The following LRP1B variants were observed in gnomAD, a reference collection of about 807,000 sequenced individuals.
LRP1B encodes low-density lipoprotein receptor-related protein 1B.
Under a neutral mutation model 556.6 loss-of-function variants are expected in LRP1B, and 217 were observed. That is an observed-to-expected ratio of 0.39 (90% CI 0.35 to 0.44). The LOEUF is 0.44. Among genes scored for constraint, LRP1B ranks in the 20% least tolerant of loss-of-function variants. LRP1B has a pLI of 1.00. For synonymous variants in LRP1B, 2,047 were observed against 1,865.8 expected, an observed-to-expected ratio of 1.10 and a Z score of -2.50; for missense variants, 5,053 against 5,620.8, an observed-to-expected ratio of 0.90 and a Z score of 3.23.
intron 5 of LRP1B, among the ~76,000 whole-genome samples, chr2:141,230,108 G>A (rs1041626636): frequency 6.6e-6 from 1 of 152,144 alleles, no homozygotes; most frequent in Non-Finnish European, 1.5e-5. Context: ...AGTTTTTGAT[G>A]AACATATACA....
chr2:140,621,638 TACTC>T (rs370508440), intron 41 of LRP1B, among the ~76,000 whole-genome samples: 198 of 152,240 alleles, frequency 1.3e-3, no homozygotes, highest in East Asian at 6.2e-3. Flanking sequence ...AATATACAAA[TACTC>T]ACATTATTCA....
intron 2 of LRP1B, among the ~76,000 whole-genome samples, chr2:141,795,551 T>C (rs1695775391): frequency 6.6e-6 from 1 of 151,910 alleles, no homozygotes; most frequent in Admixed American, 6.6e-5. Context: ...GTTATTATTT[T>C]GATAAATAAT....
chr2:141,619,335 T>A lies in LRP1B; in HGVS notation c.206-138802A>T, dbSNP rs746043152. 1.0e-3 allele frequency among the ~76,000 whole-genome samples: 155 copies of A among 152,322 alleles called. 1 individual carries two copies. The Middle Eastern group carries it at 0.017, about 17-fold the overall frequency. On this transcript the variant is annotated intron_variant, in intron 2 of 90. Transcript: ENST00000389484. ...CTTTAACAACAGGAGGAGCTAATAC[T>A]TCGTATTTTATTCCTACATCCAGCT...
chr2:141,657,668 T>C (rs1208489047), intron 2 of LRP1B, among the ~76,000 whole-genome samples: 2 of 152,176 alleles, frequency 1.3e-5, no homozygotes. Flanking sequence ...AACTTGGATA[T>C]CCTTGCAGGC....
intron 77 of LRP1B, among the ~76,000 whole-genome samples, chr2:140,336,418 A>C (rs1434411159): frequency 2.7e-5 from 4 of 149,952 alleles, no homozygotes; most frequent in African/African-American, 7.3e-5. Context: ...ACAAACACTC[A>C]ATTTCTTTGG....
intron 2 of LRP1B, among the ~76,000 whole-genome samples, chr2:141,804,470 A>G (rs1696107186): frequency 6.6e-6 from 1 of 152,082 alleles, no homozygotes; most frequent in African/African-American, 2.4e-5. Flanking sequence ...TAATTTCTAT[A>G]CCAAATGTAT....
At chr2:141,913,777 C>T (rs1699965240) in intron 1 of LRP1B, among the ~76,000 whole-genome samples, 1 of 151,832 alleles carries the variant, frequency 6.6e-6, no homozygotes, top group African/African-American at 2.4e-5. Flanking sequence ...GATGGAGTCT[C>T]ACTTTGTCAC....
chr2:140,386,060 C>A (rs753287267), intron 66 of LRP1B, 51 bp from the exon 67 acceptor site: 2 of 1,118,728 alleles, frequency 1.8e-6, no homozygotes, highest in South Asian at 1.3e-5. Context: ...TGAAGACATC[C>A]CTCACAACGT....
At chr2:141,012,170 A>C (rs991920562) in intron 14 of LRP1B, among the ~76,000 whole-genome samples, 5 of 152,056 alleles carry the variant, frequency 3.3e-5, no homozygotes, top group African/African-American at 4.8e-5. Flanking sequence ...CGTTGCATTT[A>C]GTTAAACAAC....
intron 25 of LRP1B, 22 bp downstream of exon 25, chr2:140,883,795 T>C (rs758015401): frequency 1.4e-5 from 23 of 1,588,290 alleles, no homozygotes; most frequent in Non-Finnish European, 2.0e-5. Context: ...AAAATCAATC[T>C]ATAAAAGGCA....
chr2:140,488,353 A>G (rs779258453), intron 57 of LRP1B, among the ~76,000 whole-genome samples: 7 of 152,074 alleles, frequency 4.6e-5, no homozygotes, highest in Admixed American at 1.3e-4. Flanking sequence ...TATTTGACCA[A>G]GGAGGAACTG....
intron 41 of LRP1B, among the ~76,000 whole-genome samples, chr2:140,611,264 A>AG (rs778759788): frequency 1.1e-4 from 16 of 152,212 alleles, no homozygotes; most frequent in Non-Finnish European, 2.2e-4. Flanking sequence ...GCCTTGTAAT[A>AG]AGCTCAGTCA....
At chr2:140,336,336 G>T (rs1681096034) in intron 77 of LRP1B, among the ~76,000 whole-genome samples, 1 of 149,334 alleles carries the variant, frequency 6.7e-6, no homozygotes, top group African/African-American at 2.4e-5. Context: ...TATCCACTTG[G>T]CTTGGTTACA....
chr2:141,132,254 G>T (rs185087930), intron 7 of LRP1B, among the ~76,000 whole-genome samples: 1 of 151,874 alleles, frequency 6.6e-6, no homozygotes, highest in African/African-American at 2.4e-5. Flanking sequence ...TTATGGGGGC[G>T]GAACCCTCAT....
chr2:140,428,738 G>A (rs931500350), intron 66 of LRP1B, among the ~76,000 whole-genome samples: 6 of 152,068 alleles, frequency 3.9e-5, no homozygotes, highest in African/African-American at 9.7e-5. Context: ...CCACACTACC[G>A]TCTTTTCAAG....
At chr2:141,542,507 A>G (rs2105212101) in intron 2 of LRP1B, among the ~76,000 whole-genome samples, 1 of 152,224 alleles carries the variant, frequency 6.6e-6, no homozygotes, top group Admixed American at 6.6e-5. Flanking sequence ...CTGAAATATT[A>G]TATTTATCTT....
At chr2:140,345,809 C>CAT (rs1177378557) in intron 77 of LRP1B, among the ~76,000 whole-genome samples, 65 of 137,766 alleles carry the variant, frequency 4.7e-4, no homozygotes, top group African/African-American at 1.5e-3. Flanking sequence ...CATATATACA[C>CAT]ATATATATAC....
Position 140,353,033 on chromosome 2 carries a change from T to C in LRP1B, c.11570A>G (p.Gln3857Arg), listed in dbSNP as rs1403846513. Residue 3857 changes from glutamine to arginine, a missense_variant, in exon 76 of 91, where the codon CAA becomes CGA. This residue lies in a region of LRP1B where 599 missense variants were observed against 648.4 expected (regional missense o/e 0.92). Transcript: ENST00000389484. ...ECLVFGTCSH[Q>R]CINVEGSYKC... ...ATATGATCCTTCCACATTTATACATTGATGGGAACATGTGCCAAACACCAA... is the reference window on the plus strand; with the variant it reads ...ATATGATCCTTCCACATTTATACATCGATGGGAACATGTGCCAAACACCAA... 1 of 1,612,942 alleles carries C rather than the reference T, an allele frequency of 6.2e-7. No individual in the cohort carries two copies. The highest frequency in any genetic ancestry group is 8.5e-7 in the Non-Finnish European group (1 of 1,179,384).
chr2:141,411,941 T>A (rs1690867828), intron 3 of LRP1B, among the ~76,000 whole-genome samples: 1 of 152,066 alleles, frequency 6.6e-6, no homozygotes, highest in African/African-American at 2.4e-5. Flanking sequence ...AGAATATAAA[T>A]AGAACAAAGT....
Sources: gnomAD v4.1 joint callset for allele counts (sites outside exome capture counted in the v4.1 genomes callset) on GRCh38, gnomAD v4.1.1 for gene constraint, gnomAD v4.1.1 regional missense constraint, MANE v1.5 for transcripts, NCBI Gene and HGNC (gene_info 2026-07-23, HGNC 2026-07-21) for gene names.